Variants in RALYL observed in about 807,000 individuals in gnomAD.
The protein encoded by RALYL is RALY RNA binding protein like, also known as RNA-binding Raly-like protein.
RALYL carries 29 observed loss-of-function variants against 35.1 expected under a neutral mutation model. That is an observed-to-expected ratio of 0.83 (90% confidence interval 0.61 to 1.13). The LOEUF is 1.13. RALYL is among the 50% of genes most tolerant of loss of function. The pLI, the probability that RALYL is intolerant of heterozygous loss-of-function variation, is 0.00. For missense variants in RALYL, 359 were observed against 360.4 expected (o/e 1.00, Z 0.03); for synonymous variants, 120 against 127.6 (o/e 0.94, Z 0.40).
Position 84,184,819 on chromosome 8 carries a change from G to T in RALYL, c.-24+395G>T, listed in dbSNP as rs181093829. The T allele has an allele frequency of 4.8e-4, 319 of 659,256 alleles. 2 individuals carry two copies. In the African/African-American group the frequency reaches 5.2e-3, roughly 11 times the overall value. 40.8% of individuals were successfully genotyped at this position (659,256 alleles called of 1,614,324 possible). ...GGCGAGGGCCGTGTACGTGGCGCTG[G>T]CCGTCGGGCGGGCTAGAGGGGACCC... is the stretch of plus-strand genomic sequence containing the variant. On this transcript the variant is annotated intron_variant, in intron 1 of 8. Coordinates refer to ENST00000521268, the MANE Select transcript of RALYL (RefSeq NM_173848.7).
chr8:84,708,918 T>C (rs1841680793), intron 2 of RALYL, among the ~76,000 whole-genome samples: 1 of 152,200 alleles, frequency 6.6e-6, no homozygotes, highest in South Asian at 2.1e-4. Flanking sequence ...ACCTGTGCCA[T>C]GGCAAAGAAA....
intron 2 of RALYL, among the ~76,000 whole-genome samples, chr8:84,667,942 G>A (rs1832409758): frequency 6.6e-6 from 1 of 152,104 alleles, no homozygotes; most frequent in African/African-American, 2.4e-5. Context: ...TTCCACATAG[G>A]CTGAGGAGTG....
At chr8:84,746,105 G>C (rs1297293966) in intron 2 of RALYL, among the ~76,000 whole-genome samples, 1 of 151,982 alleles carries the variant, frequency 6.6e-6, no homozygotes, top group Non-Finnish European at 1.5e-5. Flanking sequence ...AAATTTAAAA[G>C]TTGATTGTTT....
At chr8:84,885,525 T>C (rs1220811656) in intron 7 of RALYL, among the ~76,000 whole-genome samples, 1 of 152,082 alleles carries the variant, frequency 6.6e-6, no homozygotes, top group Non-Finnish European at 1.5e-5. Context: ...AAAAGTATAG[T>C]TTTAAAAGCA....
chr8:84,282,968 G>A (rs1169562827), intron 1 of RALYL, among the ~76,000 whole-genome samples: 1 of 151,742 alleles, frequency 6.6e-6, no homozygotes, highest in Non-Finnish European at 1.5e-5. Context: ...TGTTTTAATG[G>A]CATTATGATA....
intron 1 of RALYL, among the ~76,000 whole-genome samples, chr8:84,515,438 A>G (rs1048413723): frequency 2.0e-5 from 3 of 152,208 alleles, no homozygotes; most frequent in Admixed American, 1.3e-4. Context: ...ATTCAGTACC[A>G]CAGCATATAT....
chr8:84,427,805 T>A (rs2046664426), intron 1 of RALYL, among the ~76,000 whole-genome samples: 1 of 152,176 alleles, frequency 6.6e-6, no homozygotes, highest in South Asian at 2.1e-4. Context: ...TGCAAACTAG[T>A]TTTCACATTG....
Position 84,873,365 on chromosome 8 carries a change from A to G in RALYL, c.653A>G (p.Glu218Gly). 6.3e-7 allele frequency: 1 copy of G among 1,599,592 alleles called. No individual in the cohort carries two copies. Among genetic ancestry groups the G allele is most frequent in the Non-Finnish European group, 8.5e-7 (1 of 1,172,686 alleles). ...TKIDSLLGRL[E>G]KIEKQQKAEA... is the part of the protein sequence containing the mutation. ...ATTGACTCCTTGCTAGGGCGCCTGG[A>G]GAAGATTGAGAAACAGCAGAAGGCG... is the stretch of plus-strand genomic sequence containing the variant. Residue 218 changes from glutamate (E) to glycine (G), a missense_variant, in exon 7 of 9, where the codon GAG becomes GGG. Transcript: ENST00000521268.
chr8:84,405,983 A>G (rs533412645), intron 1 of RALYL, among the ~76,000 whole-genome samples: 28 of 151,158 alleles, frequency 1.9e-4, no homozygotes, highest in Middle Eastern at 6.9e-3. Context: ...CATAATCTAG[A>G]AAAACAATGC....
At chr8:84,688,186 T>C (rs1229744388) in intron 2 of RALYL, among the ~76,000 whole-genome samples, 1 of 152,066 alleles carries the variant, frequency 6.6e-6, no homozygotes, top group East Asian at 1.9e-4. Flanking sequence ...AGACTTGCCT[T>C]TCTGTGTTAA....
chr8:84,185,834 C>T (rs1812385436), intron 1 of RALYL, among the ~76,000 whole-genome samples: 1 of 152,176 alleles, frequency 6.6e-6, no homozygotes, highest in African/African-American at 2.4e-5. Flanking sequence ...GGGTTTATAA[C>T]ATACACTGGC....
intron 3 of RALYL, among the ~76,000 whole-genome samples, chr8:84,785,034 C>T (rs911863778): frequency 3.3e-5 from 5 of 152,052 alleles, no homozygotes; most frequent in African/African-American, 1.2e-4. Context: ...ATGAAGGAAT[C>T]AAAAGACAAG....
At chr8:84,379,752 T>G (rs1857582593) in intron 1 of RALYL, among the ~76,000 whole-genome samples, 1 of 151,394 alleles carries the variant, frequency 6.6e-6, no homozygotes, top group Non-Finnish European at 1.5e-5. Flanking sequence ...AGAATAATCA[T>G]CTAGGCCAAA....
intron 1 of RALYL, among the ~76,000 whole-genome samples, chr8:84,420,129 C>A (rs2045324602): frequency 6.6e-6 from 1 of 151,830 alleles, no homozygotes; most frequent in Non-Finnish European, 1.5e-5. Flanking sequence ...ACACTGACTT[C>A]CACAATGGTT....
chr8:84,713,193 C>A (rs1178025583), intron 2 of RALYL, among the ~76,000 whole-genome samples: 1 of 151,920 alleles, frequency 6.6e-6, no homozygotes, highest in Non-Finnish European at 1.5e-5. Context: ...TTTTCCAACA[C>A]CATTTATTGA....
At chr8:84,545,723 C>A (rs772089277) in intron 2 of RALYL, among the ~76,000 whole-genome samples, 11 of 151,660 alleles carry the variant, frequency 7.3e-5, no homozygotes, top group Non-Finnish European at 1.3e-4. Context: ...TTCTTTATAT[C>A]TTACAACTGA....
chr8:84,905,575 C>G (rs1026852351), intron 8 of RALYL, among the ~76,000 whole-genome samples: 3 of 152,038 alleles, frequency 2.0e-5, no homozygotes, highest in Non-Finnish European at 4.4e-5. Flanking sequence ...CTCCACTTAT[C>G]TTTGTATTCT....
intron 3 of RALYL, among the ~76,000 whole-genome samples, chr8:84,776,953 A>G (rs1020238490): frequency 1.3e-5 from 2 of 152,234 alleles, no homozygotes; most frequent in Non-Finnish European, 2.9e-5. Context: ...ATTGCAAAAC[A>G]GTAATAAAGG....
intron 7 of RALYL, among the ~76,000 whole-genome samples, chr8:84,886,483 T>A (rs1025219922): frequency 1.7e-4 from 26 of 152,206 alleles, no homozygotes; most frequent in African/African-American, 5.8e-4. Flanking sequence ...AGATAAAAAA[T>A]TAGGCTATTT....
Sources: gnomAD v4.1 joint callset for allele counts (sites outside exome capture counted in the v4.1 genomes callset) on GRCh38, gnomAD v4.1.1 for gene constraint, MANE v1.5 for transcripts, NCBI Gene and HGNC (gene_info 2026-07-23, HGNC 2026-07-21) for gene names.